RAPGEF2: variants seen among roughly 807,000 people sequenced by gnomAD.
The protein encoded by RAPGEF2 is PDZ domain containing guanine nucleotide exchange factor (GEF) 1.
RAPGEF2 carries 54 observed loss-of-function variants against 186.7 expected under a neutral mutation model. The observed-to-expected ratio is 0.29, with a 90% CI of 0.23 to 0.36. The LOEUF (loss-of-function observed/expected upper bound fraction) is 0.36. RAPGEF2 is among the 10% of genes least tolerant of loss of function. The probability of loss-of-function intolerance (pLI) is 1.00; values close to 1 mark genes in which losing one functional copy is unlikely to be tolerated. For synonymous variants in RAPGEF2, 712 were observed against 705.9 expected (o/e 1.01, Z -0.14); for missense variants, 1,532 against 2,045.0 (o/e 0.75, Z 4.84).
intron 1 of RAPGEF2, among the ~76,000 whole-genome samples, chr4:159,166,838 T>C (rs1306012798): frequency 1.3e-5 from 2 of 152,168 alleles, no homozygotes; most frequent in Non-Finnish European, 2.9e-5. Flanking sequence ...TCTGAGGATA[T>C]GAGTTGAGTT....
chr4:159,174,215 T>TA (rs1313157545), intron 1 of RAPGEF2, among the ~76,000 whole-genome samples: 1 of 152,198 alleles, frequency 6.6e-6, no homozygotes, highest in Non-Finnish European at 1.5e-5. Flanking sequence ...ACATGGTGCA[T>TA]AGTATGCATT....
chr4:159,204,231 G>A (rs555453495), intron 3 of RAPGEF2, among the ~76,000 whole-genome samples: 69 of 152,212 alleles, frequency 4.5e-4, no homozygotes, highest in African/African-American at 1.6e-3. Context: ...AATTAGATGG[G>A]CTAAGTATTT....
chr4:159,346,630 A>C (rs542006569), intron 24 of RAPGEF2, among the ~76,000 whole-genome samples, 159 bp from the exon 25 acceptor site: 1 of 152,206 alleles, frequency 6.6e-6, no homozygotes, highest in Non-Finnish European at 1.5e-5. Context: ...AGGGTCCCCC[A>C]TCCATTTTCT....
At chr4:159,302,081 T>C (rs1762737869) in intron 7 of RAPGEF2, among the ~76,000 whole-genome samples, 1 of 152,186 alleles carries the variant, frequency 6.6e-6, no homozygotes, top group South Asian at 2.1e-4. Flanking sequence ...ACAGTCTTTA[T>C]GGTTCTGAGC....
chr4:159,150,163 T>C (rs1037883134), intron 1 of RAPGEF2, among the ~76,000 whole-genome samples: 1 of 139,860 alleles, frequency 7.2e-6, no homozygotes, highest in Non-Finnish European at 1.5e-5. Flanking sequence ...ATAAACAAAA[T>C]AGTTAATTTT....
intron 25 of RAPGEF2, among the ~76,000 whole-genome samples, chr4:159,347,462 G>C (rs1234336004): frequency 6.6e-6 from 1 of 152,202 alleles, no homozygotes; most frequent in African/African-American, 2.4e-5. Flanking sequence ...ATATGAAGGA[G>C]CTAAATTACA....
At chr4:159,118,942 CTTA>C (rs1228365806) in intron 1 of RAPGEF2, among the ~76,000 whole-genome samples, 1 of 152,180 alleles carries the variant, frequency 6.6e-6, no homozygotes, top group Non-Finnish European at 1.5e-5. Context: ...ATTTACTCTT[CTTA>C]TTACTGTTTT....
At chr4:159,292,361 A>C (rs1402281403) in intron 7 of RAPGEF2, among the ~76,000 whole-genome samples, 1 of 152,196 alleles carries the variant, frequency 6.6e-6, no homozygotes. Context: ...GTGCTTCTGC[A>C]GGGGTCAGGC....
At position 159,218,793 on chromosome 4, in the gene RAPGEF2, CTTTA is replaced by C. The variant is rs377270625; in HGVS notation, c.281+8215_281+8218del. Among the ~76,000 whole-genome samples the C allele has an allele frequency of 8.0e-4, 121 of 151,976 alleles. 2 individuals carry two copies. In the East Asian group the frequency reaches 0.015, roughly 19 times the overall value. ...AGTCGTTTTCTTGAAAACCATAAGACTTTATTTAATTCATATTTGGAATGGCCTA... is the reference window on the plus strand; with the variant it reads ...AGTCGTTTTCTTGAAAACCATAAGACTTTAATTCATATTTGGAATGGCCTA... On this transcript the variant is annotated intron_variant, in intron 4 of 29. Coordinates refer to ENST00000691494, the MANE Select transcript of RAPGEF2 (RefSeq NM_001394067.2).
chr4:159,254,653 G>C (rs1393725059), intron 7 of RAPGEF2, among the ~76,000 whole-genome samples: 1 of 146,400 alleles, frequency 6.8e-6, no homozygotes, highest in Non-Finnish European at 1.5e-5. Context: ...CTGTCACCCA[G>C]GCGGGAGTGA....
At chr4:159,108,805 A>C (rs941965858) in intron 1 of RAPGEF2, among the ~76,000 whole-genome samples, 1 of 152,120 alleles carries the variant, frequency 6.6e-6, no homozygotes, top group Non-Finnish European at 1.5e-5. Context: ...TGCAGCCTCT[A>C]TCTCCCAGAC....
At chr4:159,295,773 G>T (rs878892133) in intron 7 of RAPGEF2, among the ~76,000 whole-genome samples, 1 of 147,092 alleles carries the variant, frequency 6.8e-6, no homozygotes, top group African/African-American at 2.6e-5. Flanking sequence ...GCGCGCGCGC[G>T]CATGCACATA....
chr4:159,332,716 C>G lies in RAPGEF2; in HGVS notation c.2135+19C>G. On this transcript the variant is annotated intron_variant, in intron 17 of 29. Transcript: ENST00000691494. The stretch of plus-strand genomic sequence containing the variant: ...CATACAAGTAAGCATCTGCATATGT[C>G]TTCTGTGCATTATTTTATTTTGTTA... 6.2e-7 allele frequency: 1 copy of G among 1,607,920 alleles called. No homozygotes were observed. The highest frequency in any genetic ancestry group is 1.1e-5 in the South Asian group (1 of 90,228).
At chr4:159,140,670 A>G (rs1742218738) in intron 1 of RAPGEF2, among the ~76,000 whole-genome samples, 1 of 152,150 alleles carries the variant, frequency 6.6e-6, no homozygotes, top group African/African-American at 2.4e-5. Flanking sequence ...TAGTAGACAA[A>G]GAAATAGGAA....
intron 1 of RAPGEF2, among the ~76,000 whole-genome samples, chr4:159,127,755 T>TG (rs1464363283): frequency 2.0e-5 from 3 of 152,208 alleles, no homozygotes; most frequent in African/African-American, 7.2e-5. Flanking sequence ...AGAATACTAA[T>TG]GGGGTATATA....
At chr4:159,253,618 T>A (rs563810930) in intron 7 of RAPGEF2, among the ~76,000 whole-genome samples, 1 of 152,340 alleles carries the variant, frequency 6.6e-6, no homozygotes, top group South Asian at 2.1e-4. Context: ...ACCTGCCAGA[T>A]ACCCAATTCC....
intron 1 of RAPGEF2, among the ~76,000 whole-genome samples, chr4:159,143,855 G>GC (rs1215750034): frequency 2.6e-5 from 4 of 152,164 alleles, no homozygotes; most frequent in Non-Finnish European, 5.9e-5. Context: ...ATTGTAACTT[G>GC]CAGTAACAGG....
At chr4:159,199,399 G>A (rs1347905985) in intron 3 of RAPGEF2, among the ~76,000 whole-genome samples, 1 of 151,820 alleles carries the variant, frequency 6.6e-6, no homozygotes, top group African/African-American at 2.4e-5. Context: ...CATGAGGGTA[G>A]GGACTATGTT....
At chr4:159,337,254 T>C (rs1312943918) in intron 17 of RAPGEF2, among the ~76,000 whole-genome samples, 1 of 152,216 alleles carries the variant, frequency 6.6e-6, no homozygotes, top group African/African-American at 2.4e-5. Context: ...CACTGTTTTT[T>C]TATGCTCTGT....
Sources: allele counts gnomAD v4.1 joint callset (sites outside exome capture counted in the v4.1 genomes callset), GRCh38; gene constraint gnomAD v4.1.1; transcripts MANE v1.5; gene names NCBI Gene and HGNC (gene_info 2026-07-23, HGNC 2026-07-21).